Variants in COL4A2 observed in about 807,000 individuals in gnomAD.
COL4A2 encodes collagen alpha-2(IV) chain.
A neutral mutation model predicts 200.2 loss-of-function variants in COL4A2; 99 were observed. The observed-to-expected ratio is 0.49, with a 90% CI of 0.42 to 0.58. COL4A2 has a LOEUF of 0.58. Among genes scored for constraint, COL4A2 ranks in the 20% least tolerant of loss-of-function variants. The pLI, the probability that COL4A2 is intolerant of heterozygous loss-of-function variation, is 0.00. For missense variants in COL4A2, 1,950 were observed against 2,314.1 expected, an observed-to-expected ratio of 0.84 and a Z score of 3.23; for synonymous variants, 897 against 900.6, an observed-to-expected ratio of 1.00 and a Z score of 0.07.
intron 3 of COL4A2, among the ~76,000 whole-genome samples, chr13:110,311,017 G>A (rs1305940224): frequency 6.6e-6 from 1 of 152,170 alleles, no homozygotes; most frequent in Non-Finnish European, 1.5e-5. Flanking sequence ...TGGCCGGGAG[G>A]GCACTCCTGA....
chr13:110,320,125 C>G (rs966728261), intron 3 of COL4A2, among the ~76,000 whole-genome samples: 1 of 152,248 alleles, frequency 6.6e-6, no homozygotes, highest in African/African-American at 2.4e-5. Context: ...CTCTGTCCAC[C>G]CGAAGGTTCT....
chr13:110,496,034 C>T (rs1883443518), intron 40 of COL4A2, among the ~76,000 whole-genome samples: 1 of 152,170 alleles, frequency 6.6e-6, no homozygotes, highest in Non-Finnish European at 1.5e-5. Context: ...AGAGTCTGCT[C>T]CTGAGATCCA....
chr13:110,401,629 G>T (rs1879373885), intron 4 of COL4A2, among the ~76,000 whole-genome samples: 1 of 152,188 alleles, frequency 6.6e-6, no homozygotes, highest in Non-Finnish European at 1.5e-5. Flanking sequence ...AAGTTAACCA[G>T]CTTACATCCA....
chr13:110,473,525 A>G (rs1041981481), intron 29 of COL4A2: 3 of 216,226 alleles, frequency 1.4e-5, no homozygotes, highest in Non-Finnish European at 2.7e-5. Context: ...TCAGAGGTGA[A>G]GAAGGAAAAT....
intron 3 of COL4A2, among the ~76,000 whole-genome samples, chr13:110,310,256 G>A (rs1884938160): frequency 6.6e-6 from 1 of 152,118 alleles, no homozygotes; most frequent in South Asian, 2.1e-4. Flanking sequence ...AGGCCCCCTA[G>A]ACCCCCAGAC....
At chr13:110,373,507 G>A (rs1594176322) in intron 4 of COL4A2, among the ~76,000 whole-genome samples, 1 of 152,198 alleles carries the variant, frequency 6.6e-6, no homozygotes, top group Admixed American at 6.5e-5. Context: ...GAAATTTGAA[G>A]CAGCCATTAG....
chr13:110,505,869 G>A (rs1481507555), intron 45 of COL4A2, among the ~76,000 whole-genome samples: 1 of 152,158 alleles, frequency 6.6e-6, no homozygotes, highest in African/African-American at 2.4e-5. Flanking sequence ...GGCACGTTGG[G>A]CACATCCTGA....
At chr13:110,335,825 A>G (rs1225384062) in intron 3 of COL4A2, among the ~76,000 whole-genome samples, 1 of 152,200 alleles carries the variant, frequency 6.6e-6, no homozygotes. Context: ...CTTCACATAT[A>G]CTATTTCACT....
intron 4 of COL4A2, among the ~76,000 whole-genome samples, chr13:110,362,377 G>T (rs959303995): frequency 6.6e-6 from 1 of 152,122 alleles, no homozygotes; most frequent in Non-Finnish European, 1.5e-5. Context: ...CAAGGTGCCC[G>T]CCCCTAGCAC....
At chr13:110,356,282 A>G (rs966707440) in intron 3 of COL4A2, among the ~76,000 whole-genome samples, 11 of 152,168 alleles carry the variant, frequency 7.2e-5, no homozygotes, top group African/African-American at 2.7e-4. Flanking sequence ...TCCTGAGGAA[A>G]GCCTCTTCCC....
chr13:110,397,624 G>A (rs1460349142), intron 4 of COL4A2, among the ~76,000 whole-genome samples: 1 of 152,208 alleles, frequency 6.6e-6, no homozygotes, highest in Non-Finnish European at 1.5e-5. Context: ...ACTACCACTT[G>A]CAAATCGATG....
intron 40 of COL4A2, among the ~76,000 whole-genome samples, chr13:110,499,963 A>G (rs1883586741): frequency 6.6e-6 from 1 of 152,212 alleles, no homozygotes; most frequent in Non-Finnish European, 1.5e-5. Flanking sequence ...TTTTATATCA[A>G]ACTACAGATG....
intron 47 of COL4A2, among the ~76,000 whole-genome samples, chr13:110,511,486 C>T (rs1201859627): frequency 6.6e-6 from 1 of 152,192 alleles, no homozygotes; most frequent in Non-Finnish European, 1.5e-5. Context: ...TTATTAGCCT[C>T]AGATGCCAGC....
chr13:110,369,698 A>G (rs573670616), intron 4 of COL4A2, among the ~76,000 whole-genome samples: 24 of 152,156 alleles, frequency 1.6e-4, no homozygotes, highest in Admixed American at 5.9e-4. Context: ...CTCTGCAGCA[A>G]TCCCACCCTT....
intron 29 of COL4A2, among the ~76,000 whole-genome samples, chr13:110,475,986 G>C (rs529941489): frequency 6.6e-6 from 1 of 152,354 alleles, no homozygotes; most frequent in African/African-American, 2.4e-5. Flanking sequence ...TCGGGCATTC[G>C]TGCACATTCA....
chr13:110,455,814 G>C (rs916641447), intron 20 of COL4A2, among the ~76,000 whole-genome samples: 5 of 152,142 alleles, frequency 3.3e-5, no homozygotes, highest in Non-Finnish European at 5.9e-5. Flanking sequence ...CAGATAGCTG[G>C]GTTCTTTAAA....
chr13:110,510,591 A>C (rs1399277104), intron 47 of COL4A2, among the ~76,000 whole-genome samples: 1 of 151,378 alleles, frequency 6.6e-6, no homozygotes, highest in Non-Finnish European at 1.5e-5. Context: ...ACGTGTGTGC[A>C]TAGGGGTGTG....
In COL4A2 at chr13:110,436,636, AT is replaced by A. The variant is rs1246397365; in HGVS notation, c.825+270del. ...AGAGAATTCATTTAAAAAAAAACTT[AT>A]ATCTATCCTTACATTCAGTGTAGGT... On this transcript the variant is annotated intron_variant, in intron 13 of 47. Transcript: ENST00000360467. Among the ~76,000 whole-genome samples, 12 of 152,088 alleles carry A rather than the reference AT, an allele frequency of 7.9e-5. No homozygotes were observed. The East Asian group carries it at 2.1e-3, about 27-fold the overall frequency.
intron 4 of COL4A2, among the ~76,000 whole-genome samples, chr13:110,364,200 C>T (rs1877644692): frequency 1.3e-5 from 2 of 152,232 alleles, no homozygotes; most frequent in Admixed American, 6.5e-5. Context: ...ATAGCAAAAA[C>T]ACCACCTGGC....
Sources: gnomAD v4.1 joint callset for allele counts (sites outside exome capture counted in the v4.1 genomes callset) on GRCh38, gnomAD v4.1.1 for gene constraint, MANE v1.5 for transcripts, NCBI Gene and HGNC (gene_info 2026-07-23, HGNC 2026-07-21) for gene names.